Variants in ZC3H14 observed in about 807,000 individuals in gnomAD.
The protein encoded by ZC3H14 is zinc finger CCCH-type containing 14.
A neutral mutation model predicts 92.4 loss-of-function variants in ZC3H14; 31 were observed. The observed-to-expected ratio is 0.34, with a 90% CI of 0.25 to 0.45. The LOEUF is 0.45. Ranked by LOEUF, ZC3H14 falls within the 20% of genes least tolerant of loss-of-function variation. ZC3H14 has a pLI of 1.00. For synonymous variants in ZC3H14, 321 were observed against 300.9 expected, an observed-to-expected ratio of 1.07 and a Z score of -0.69; for missense variants, 781 against 897.3, an observed-to-expected ratio of 0.87 and a Z score of 1.66.
intron 10 of ZC3H14, among the ~76,000 whole-genome samples, chr14:88,601,392 AC>A (rs1595045219): frequency 1.3e-5 from 2 of 152,322 alleles, no homozygotes; most frequent in East Asian, 3.9e-4. Context: ...TTTTCTTGAT[AC>A]ATATGTTTAA....
chr14:88,609,209 GAACT>G (rs2086125058), intron 13 of ZC3H14, 54 bp from the exon 14 acceptor site: 8 of 1,609,042 alleles, frequency 5.0e-6, no homozygotes, highest in African/African-American at 1.3e-5. Context: ...CTTATACACA[GAACT>G]AATAATGCAT....
rs2089634613 is a variant in ZC3H14 at position 88,624,641 on chromosome 14, A to G, written c.*12890A>G. 1 of 225,888 alleles carries G rather than the reference A, an allele frequency of 4.4e-6. No individual in the cohort carries two copies. Among genetic ancestry groups the G allele is most frequent in the South Asian group, 8.9e-5 (1 of 11,222 alleles). The allele number at this position is 225,888 out of a possible 1,614,324, so 14.0% of individuals were successfully genotyped here. A position where few individuals can be genotyped will look rare whatever the true frequency, so the allele number is the denominator to read the frequency against. On this transcript the variant is annotated 3_prime_UTR_variant, in exon 17 of 17. Transcript: ENST00000251038. ...AAAGAGAGCAGGCAGTCAAAATACA[A>G]CCCTGGCTCCAGATTCCCCCATGGG...
chr14:88,598,148 C>G (rs2084106177), intron 10 of ZC3H14, among the ~76,000 whole-genome samples: 1 of 152,012 alleles, frequency 6.6e-6, no homozygotes, highest in South Asian at 2.1e-4. Context: ...TCTGGGGATC[C>G]TAGGTGGTCT....
At position 88,617,618 on chromosome 14, in the gene ZC3H14, T is replaced by A. The variant is rs1287428272; in HGVS notation, c.*5867T>A. 1 of 152,104 alleles carries A rather than the reference T, an allele frequency of 6.6e-6. No homozygotes were observed. Among genetic ancestry groups the A allele is most frequent in the African/African-American group, 2.4e-5 (1 of 41,406 alleles). 9.4% of individuals were successfully genotyped at this position (152,104 alleles called of 1,614,324 possible). ...ATCCCTATCTCTACAAAAATAAAAATGACTTATGACATAGGAATTAAAAAA... is the reference window on the plus strand; with the variant it reads ...ATCCCTATCTCTACAAAAATAAAAAAGACTTATGACATAGGAATTAAAAAA... On this transcript the variant is annotated 3_prime_UTR_variant, in exon 17 of 17. Transcript: ENST00000251038.
Position 88,620,888 on chromosome 14 carries a change from A to G in ZC3H14, c.*9137A>G. 1 of 1,550,040 alleles carries G rather than the reference A, an allele frequency of 6.5e-7. No homozygotes were observed. ...CCCCTTCAGGGCTGTAACACACAGT[A>G]CGAGCAGCATGTCCCAAATTCACTT... On this transcript the variant is annotated 3_prime_UTR_variant, in exon 17 of 17. Coordinates refer to ENST00000251038, the MANE Select transcript of ZC3H14 (RefSeq NM_024824.5). The surrounding 1 kb of genome is among the most constrained non-coding windows in gnomAD (Gnocchi z 4.3).
chr14:88,601,773 T>TA, intron 10 of ZC3H14, 151 bp from the exon 11 acceptor site: 1 of 888,332 alleles, frequency 1.1e-6, no homozygotes, highest in Non-Finnish European at 1.7e-6. Flanking sequence ...GGAATAGAAT[T>TA]ATAGCCCTGT....
At chr14:88,563,446 G>A in intron 1 of ZC3H14, 3 of 1,438,110 alleles carry the variant, frequency 2.1e-6, no homozygotes, top group African/African-American at 1.5e-5. Flanking sequence ...CTTTGGATCC[G>A]CTGCGGGAGG....
chr14:88,618,263 G>A lies in ZC3H14; in HGVS notation c.*6512G>A, dbSNP rs374476714. On this transcript the variant is annotated 3_prime_UTR_variant, in exon 17 of 17. Transcript: ENST00000251038. ...TAGCCCAAGTAATTCTGTCAATAGC[G>A]GCATGATCCATAAGATGTTTTCCTG... The A allele has an allele frequency of 2.7e-5, 44 of 1,613,492 alleles. No individual in the cohort carries two copies. The highest frequency in any genetic ancestry group is 2.4e-4 in the South Asian group (22 of 91,070).
rs1595514879 is a variant in ZC3H14 at position 88,570,978 on chromosome 14, A to T, written c.195-106A>T. On this transcript the variant is annotated intron_variant, in intron 3 of 16. Transcript: ENST00000251038. The stretch of plus-strand genomic sequence containing the variant: ...TTAAAAATAATAAAAATATAAAAAA[A>T]TTTAAAAAATTATCTCTGAATATAA... 4 of 908,636 alleles carry T rather than the reference A, an allele frequency of 4.4e-6. No homozygotes were observed. In the African/African-American group the frequency reaches 5.2e-5, roughly 12 times the overall value. The allele number at this position is 908,636 out of a possible 1,614,324, so 56.3% of individuals were successfully genotyped here. A position where few individuals can be genotyped will look rare whatever the true frequency, so the allele number is the denominator to read the frequency against.
intron 12 of ZC3H14, among the ~76,000 whole-genome samples, 175 bp downstream of exon 12, chr14:88,603,235 G>T (rs948785735): frequency 6.6e-6 from 1 of 152,104 alleles, no homozygotes; most frequent in African/African-American, 2.4e-5. Context: ...TTTTTCCTGT[G>T]TCTTTTTCAT....
At chr14:88,602,177 C>T (rs1480571840) in intron 11 of ZC3H14, 94 bp downstream of exon 11, 18 of 1,558,524 alleles carry the variant, frequency 1.2e-5, no homozygotes, top group Middle Eastern at 1.7e-4. Flanking sequence ...CCGCCCTAAC[C>T]GCTAGCGTAG....
At chr14:88,573,491 T>C (rs2080748296) in intron 6 of ZC3H14, among the ~76,000 whole-genome samples, 1 of 152,174 alleles carries the variant, frequency 6.6e-6, no homozygotes, top group East Asian at 1.9e-4. Flanking sequence ...TGGAGTGTGA[T>C]GGCGCGATCT....
At position 88,618,716 on chromosome 14, in the gene ZC3H14, G is replaced by C; in HGVS notation, c.*6965G>C. On this transcript the variant is annotated 3_prime_UTR_variant, in exon 17 of 17. Transcript: ENST00000251038. ...CAAAGCTTGGAATGTCTTTGCAGTA[G>C]CTGATTCTGTTAAGAGTGGGGCCCA... 2 of 1,611,082 alleles carry C rather than the reference G, an allele frequency of 1.2e-6. No homozygotes were observed. Among genetic ancestry groups the C allele is most frequent in the South Asian group, 1.1e-5 (1 of 90,302 alleles).
intron 9 of ZC3H14, among the ~76,000 whole-genome samples, chr14:88,581,192 G>C (rs1211823621): frequency 6.6e-6 from 1 of 152,152 alleles, no homozygotes; most frequent in Non-Finnish European, 1.5e-5. Flanking sequence ...AGAAGGCATA[G>C]AAACATTCAT....
chr14:88,567,627 A>G (rs541592566), intron 2 of ZC3H14, among the ~76,000 whole-genome samples: 62 of 152,266 alleles, frequency 4.1e-4, no homozygotes, highest in African/African-American at 1.5e-3. Flanking sequence ...TAGCAAGGGT[A>G]AAGATGTTCA....
intron 12 of ZC3H14, among the ~76,000 whole-genome samples, chr14:88,606,446 C>G (rs550528379): frequency 6.6e-6 from 1 of 152,178 alleles, no homozygotes; most frequent in Non-Finnish European, 1.5e-5. Context: ...CATTTGTGAC[C>G]CCATTGTAGG....
At position 88,613,152 on chromosome 14, in the gene ZC3H14, G is replaced by A. The variant is rs1004718576; in HGVS notation, c.*1401G>A. 2.6e-5 allele frequency: 4 copies of A among 152,170 alleles called. No homozygotes were observed. Among genetic ancestry groups the A allele is most frequent in the Non-Finnish European group, 5.9e-5 (4 of 68,046 alleles). The allele number at this position is 152,170 out of a possible 1,614,324, so 9.4% of individuals were successfully genotyped here. On this transcript the variant is annotated 3_prime_UTR_variant, in exon 17 of 17. Transcript: ENST00000251038. Reference sequence around the variant, plus strand: ...AACCAGTCATTAAACCATTTGGTAAGTTGCACTTTGCTGTGCTGATCCCAC... The same window carrying A: ...AACCAGTCATTAAACCATTTGGTAAATTGCACTTTGCTGTGCTGATCCCAC...
intron 6 of ZC3H14, among the ~76,000 whole-genome samples, 155 bp downstream of exon 6, chr14:88,573,162 C>T (rs1053971259): frequency 3.6e-4 from 55 of 152,028 alleles, no homozygotes; most frequent in African/African-American, 1.2e-3. Flanking sequence ...GGGTGGATCA[C>T]GAGGTCAGGA....
At chr14:88,570,941 C>T in intron 3 of ZC3H14, 143 bp from the exon 4 acceptor site, 1 of 562,566 alleles carries the variant, frequency 1.8e-6, no homozygotes, top group Non-Finnish European at 2.7e-6. Flanking sequence ...CACAGTGAAA[C>T]CCCATCTCTA....
Sources: allele counts gnomAD v4.1 joint callset (sites outside exome capture counted in the v4.1 genomes callset), GRCh38; gene constraint gnomAD v4.1.1; non-coding constraint Gnocchi (gnomAD v3.1); transcripts MANE v1.5; gene names NCBI Gene and HGNC (gene_info 2026-07-23, HGNC 2026-07-21).